ZNF148: variants seen among roughly 807,000 people sequenced by gnomAD.
ZNF148 encodes the protein zinc finger protein 148.
ZNF148 carries 7 observed loss-of-function variants against 67.7 expected under a neutral mutation model. The ratio of observed to expected loss-of-function variants is 0.10; its 90% CI spans 0.06 to 0.19. The LOEUF (loss-of-function observed/expected upper bound fraction) is 0.19. ZNF148 is among the 10% of genes least tolerant of loss of function. The pLI is 1.00. For synonymous variants in ZNF148, 333 were observed against 330.7 expected (o/e 1.01, Z -0.08); for missense variants, 583 against 947.1 (o/e 0.62, Z 5.05).
Position 125,355,726 on chromosome 3 carries a change from TAA to T in ZNF148, c.-234+19374_-234+19375del, listed in dbSNP as rs35258657. On this transcript the variant is annotated intron_variant, in intron 1 of 8. Coordinates refer to ENST00000360647, the MANE Select transcript of ZNF148 (RefSeq NM_021964.3). Reference sequence around the variant, plus strand: ...ACACAGTGAGACCCCAGTCTCTATTTAAAAAAAAAAAAAAATTGCAACTCACA... The same window carrying T: ...ACACAGTGAGACCCCAGTCTCTATTTAAAAAAAAAAAAATTGCAACTCACA... 3.2e-3 allele frequency among the ~76,000 whole-genome samples: 478 copies of T among 147,464 alleles called. 2 individuals carry two copies. Among genetic ancestry groups the T allele is most frequent in the African/African-American group, 9.5e-3 (382 of 40,158 alleles).
chr3:125,336,801 C>T (rs1201912377), intron 1 of ZNF148, among the ~76,000 whole-genome samples: 1 of 150,672 alleles, frequency 6.6e-6, no homozygotes, highest in African/African-American at 2.4e-5. Flanking sequence ...CTCAGCCTCC[C>T]ACATAGCTGG....
chr3:125,331,072 C>G (rs193166367), intron 2 of ZNF148, 86 bp downstream of exon 2: 1 of 397,922 alleles, frequency 2.5e-6, no homozygotes, highest in African/African-American at 2.1e-5. Context: ...CACACTTATA[C>G]CCAACAGTTA....
In ZNF148 at chr3:125,270,515, A is replaced by G. The variant is rs1277791245; in HGVS notation, c.667+7211T>C. Among the ~76,000 whole-genome samples the G allele has an allele frequency of 2.0e-5, 3 of 152,208 alleles. No individual in the cohort carries two copies. The East Asian group carries it at 5.8e-4, about 29-fold the overall frequency. ...AAAACAAAGCATTATATCTAGACCCAACTGAATGAATGTTTCATCTTCTGT... is the reference window on the plus strand; with the variant it reads ...AAAACAAAGCATTATATCTAGACCCGACTGAATGAATGTTTCATCTTCTGT... On this transcript the variant is annotated intron_variant, in intron 7 of 8. Transcript: ENST00000360647.
In ZNF148 at chr3:125,339,193, T is replaced by C. The variant is rs145470471; in HGVS notation, c.-233-7955A>G. On this transcript the variant is annotated intron_variant, in intron 1 of 8. Transcript: ENST00000360647. ...ATCCCCAGCCAGAAACACTAGCTTC[T>C]ATTAATGTACGGTGAACATGTTCTT... Among the ~76,000 whole-genome samples, 836 of 152,326 alleles carry C rather than the reference T, an allele frequency of 5.5e-3. 7 individuals carry two copies. Among genetic ancestry groups the C allele is most frequent in the Non-Finnish European group, 9.1e-3 (617 of 68,032 alleles).
At chr3:125,278,556 T>A (rs2107607068) in intron 6 of ZNF148, among the ~76,000 whole-genome samples, 1 of 152,242 alleles carries the variant, frequency 6.6e-6, no homozygotes. Flanking sequence ...ACCTCTATCC[T>A]CCTAGGGCAC....
Position 125,232,741 on chromosome 3 carries a change from C to A in ZNF148, c.1985G>T (p.Gly662Val). The A allele has an allele frequency of 6.2e-7, 1 of 1,613,804 alleles. No individual in the cohort carries two copies. Among genetic ancestry groups the A allele is most frequent in the Admixed American group, 1.7e-5 (1 of 59,988 alleles). Residue 662 changes from glycine to valine, a missense_variant, in exon 9 of 9, where the codon GGA becomes GTA. Physicochemically the swap from Gly to Val is moderately radical, Grantham distance 109 (BLOSUM62 -3). Around this residue, in one of 5 missense-constraint regions of ZNF148, gnomAD observed 158 missense variants for 208.4 expected, o/e 0.76. Coordinates refer to ENST00000360647, the MANE Select transcript of ZNF148 (RefSeq NM_021964.3). This position sits in a 1 kb window ranked among gnomAD's most constrained non-coding sequence, Gnocchi z 4.2. ...AGTTGTTCTTAGTGGAGAATTCATT[C>A]CTGATCGAAAGCTATTGATGGGCAT... is the stretch of plus-strand genomic sequence containing the variant. ...ATMPINSFRS[G>V]MNSPLRTTPD...
intron 7 of ZNF148, among the ~76,000 whole-genome samples, chr3:125,243,780 C>T (rs1209020845): frequency 6.6e-6 from 1 of 152,198 alleles, no homozygotes; most frequent in Non-Finnish European, 1.5e-5. Context: ...CCCAACTCAG[C>T]CTCCCAAAGT....
intron 1 of ZNF148, among the ~76,000 whole-genome samples, chr3:125,371,797 A>C (rs914328853): frequency 6.7e-6 from 1 of 149,642 alleles, no homozygotes; most frequent in Non-Finnish European, 1.5e-5. Flanking sequence ...GGGCGCGGAG[A>C]CTCATGACTG....
intron 4 of ZNF148, among the ~76,000 whole-genome samples, chr3:125,294,987 C>A (rs1342979716): frequency 6.6e-6 from 1 of 152,092 alleles, no homozygotes; most frequent in Non-Finnish European, 1.5e-5. Context: ...ACCTTTCAGT[C>A]CAGGACTGCT....
At chr3:125,281,094 A>G (rs994275427) in intron 5 of ZNF148, among the ~76,000 whole-genome samples, 3 of 152,206 alleles carry the variant, frequency 2.0e-5, no homozygotes, top group Admixed American at 1.3e-4. Flanking sequence ...ATCAGTGGTA[A>G]TTATTATGCA....
chr3:125,290,767 A>C (rs1938966097), intron 4 of ZNF148, among the ~76,000 whole-genome samples: 1 of 152,082 alleles, frequency 6.6e-6, no homozygotes. Context: ...ATGCATTACC[A>C]AAAAAACACC....
chr3:125,281,036 A>G (rs911510746), intron 5 of ZNF148, among the ~76,000 whole-genome samples: 1 of 152,218 alleles, frequency 6.6e-6, no homozygotes, highest in African/African-American at 2.4e-5. Flanking sequence ...TCCTTAAAAC[A>G]TTTTTACTTT....
chr3:125,264,646 GTTTCACTCCAA>G (rs1469098420), intron 7 of ZNF148, among the ~76,000 whole-genome samples: 8 of 152,110 alleles, frequency 5.3e-5, no homozygotes, highest in Admixed American at 3.9e-4. Flanking sequence ...TCCTATATTA[GTTTCACTCCAA>G]TTTCTTCTGT....
At position 125,232,380 on chromosome 3, in the gene ZNF148, T is replaced by A. The variant is rs748167917; in HGVS notation, c.2346A>T (p.Thr782=). 1 of 1,610,374 alleles carries A rather than the reference T, an allele frequency of 6.2e-7. No individual in the cohort carries two copies. ...VNVNDNRAGM[T]SSPDATTGQT... is the part of the protein sequence containing the mutation. ...GGCCAGTTGTGGCATCAGGTGAAGA[T>A]GTCATCCCAGCTCTATTATCATTTA... Residue 782 remains threonine (T), a synonymous_variant, in exon 9 of 9, where the codon ACA becomes ACT. Coordinates refer to ENST00000360647, the MANE Select transcript of ZNF148 (RefSeq NM_021964.3). This position sits in a 1 kb window ranked among gnomAD's most constrained non-coding sequence, Gnocchi z 4.2.
At chr3:125,367,707 G>A (rs184919038) in intron 1 of ZNF148, among the ~76,000 whole-genome samples, 10 of 152,174 alleles carry the variant, frequency 6.6e-5, no homozygotes, top group Admixed American at 6.5e-5. Flanking sequence ...ATTCTATTCC[G>A]TAATTCAGAA....
intron 7 of ZNF148, among the ~76,000 whole-genome samples, chr3:125,238,743 A>G (rs1344983181): frequency 6.6e-6 from 1 of 152,236 alleles, no homozygotes; most frequent in Admixed American, 6.5e-5. Flanking sequence ...CACATGACCC[A>G]GCAATTCCAT....
intron 4 of ZNF148, among the ~76,000 whole-genome samples, chr3:125,295,650 T>G (rs144019274): frequency 2.6e-5 from 4 of 152,030 alleles, no homozygotes; most frequent in African/African-American, 9.7e-5. Context: ...GTGTGTGAGG[T>G]TGAACAACTA....
intron 1 of ZNF148, among the ~76,000 whole-genome samples, chr3:125,332,928 T>C (rs145530189): frequency 6.6e-6 from 1 of 152,348 alleles, no homozygotes; most frequent in Non-Finnish European, 1.5e-5. Flanking sequence ...TACATTACTA[T>C]ATTCAACTTT....
chr3:125,242,554 G>A (rs1936414660), intron 7 of ZNF148, among the ~76,000 whole-genome samples: 1 of 152,108 alleles, frequency 6.6e-6, no homozygotes, highest in African/African-American at 2.4e-5. Flanking sequence ...CTGGTGTCGG[G>A]GAGCAGGCAG....
Sources: allele counts gnomAD v4.1 joint callset (sites outside exome capture counted in the v4.1 genomes callset), GRCh38; gene constraint gnomAD v4.1.1; regional missense constraint gnomAD v4.1.1; non-coding constraint Gnocchi (gnomAD v3.1); transcripts MANE v1.5; gene names NCBI Gene and HGNC (gene_info 2026-07-23, HGNC 2026-07-21).